The following ZNF560 variants were observed in gnomAD, a reference collection of about 807,000 sequenced individuals.
ZNF560 encodes the protein zinc finger protein 560.
Under a neutral mutation model 81.8 loss-of-function variants are expected in ZNF560, and 54 were observed. The observed-to-expected ratio is 0.66, with a 90% CI of 0.53 to 0.83. ZNF560 has a LOEUF of 0.83. Among genes scored for constraint, ZNF560 ranks in the 40% least tolerant of loss-of-function variants. The probability of loss-of-function intolerance (pLI) is 0.00; values close to 1 mark genes in which losing one functional copy is unlikely to be tolerated. For missense variants in ZNF560, 940 were observed against 932.4 expected, an observed-to-expected ratio of 1.01 and a Z score of -0.11; for synonymous variants, 321 against 317.9, an observed-to-expected ratio of 1.01 and a Z score of -0.10.
In ZNF560 at chr19:9,485,122, C is replaced by G. The variant is rs143063630; in HGVS notation, c.-56-9753G>C. On this transcript the variant is annotated intron_variant, in intron 2 of 9. Coordinates refer to ENST00000301480, the MANE Select transcript of ZNF560 (RefSeq NM_152476.3). ...TAAAAATCTCCCATCAAACACACAC[C>G]TAGGACTTGACTGCTTCATGGCTGA... Among the ~76,000 whole-genome samples, 23 of 152,288 alleles carry G rather than the reference C, an allele frequency of 1.5e-4. No homozygotes were observed. In the East Asian group the frequency reaches 3.1e-3, roughly 20 times the overall value.
At chr19:9,487,281 GCA>G (rs1237959430) in intron 2 of ZNF560, among the ~76,000 whole-genome samples, 1 of 152,190 alleles carries the variant, frequency 6.6e-6, no homozygotes, top group Admixed American at 6.5e-5. Flanking sequence ...GTTCTTCTCA[GCA>G]CAGAGGAACA....
the ZNF560 span, among the ~76,000 whole-genome samples, chr19:9,453,388 T>C: frequency 6.6e-6 from 1 of 151,804 alleles, no homozygotes; most frequent in Non-Finnish European, 1.5e-5. Context: ...ATCAAATCCA[T>C]TTATTTTGAA....
chr19:9,463,961 GC>G (rs2072975587), downstream of ZNF560, among the ~76,000 whole-genome samples: 1 of 152,204 alleles, frequency 6.6e-6, no homozygotes, highest in South Asian at 2.1e-4. Flanking sequence ...GGGATTACAG[GC>G]ATAAGCTATT....
intron 2 of ZNF560, among the ~76,000 whole-genome samples, chr19:9,481,924 GTAT>G (rs1257134610): frequency 6.6e-6 from 1 of 152,146 alleles, no homozygotes; most frequent in African/African-American, 2.4e-5. Flanking sequence ...CCATTACTGG[GTAT>G]ATACCCAAAG....
intron 3 of ZNF560, 69 bp from the exon 4 acceptor site, chr19:9,474,394 T>A: frequency 6.6e-7 from 1 of 1,525,660 alleles, no homozygotes; most frequent in Non-Finnish European, 8.9e-7. Flanking sequence ...AAGAATCAGT[T>A]AACAGACCCC....
chr19:9,499,810 G>T (rs1226455968), upstream of ZNF560, among the ~76,000 whole-genome samples: 1 of 151,972 alleles, frequency 6.6e-6, no homozygotes. Context: ...TTTACCTCTT[G>T]GGGTAAAGTT....
intron 4 of ZNF560, 54 bp from the exon 5 acceptor site, chr19:9,473,313 G>C: frequency 7.3e-7 from 1 of 1,373,166 alleles, no homozygotes; most frequent in Admixed American, 2.0e-5. Flanking sequence ...AGGCACAGTG[G>C]CTCATGCCTG....
At chr19:9,472,022 A>G (rs773838451) in intron 5 of ZNF560, among the ~76,000 whole-genome samples, 1 of 152,052 alleles carries the variant, frequency 6.6e-6, no homozygotes, top group Non-Finnish European at 1.5e-5. Flanking sequence ...AGGCAGGAGA[A>G]TGGCATGAAC....
chr19:9,456,899 T>C, the ZNF560 span, among the ~76,000 whole-genome samples: 5 of 152,088 alleles, frequency 3.3e-5, no homozygotes, highest in Non-Finnish European at 5.9e-5. Context: ...TGAAATGGGG[T>C]ATGTCCATGG....
chr19:9,468,063 G>A lies in ZNF560; in HGVS notation c.884C>T (p.Thr295Ile). The A allele has an allele frequency of 6.2e-7, 1 of 1,614,190 alleles. No individual in the cohort carries two copies. The highest frequency in any genetic ancestry group is 8.5e-7 in the Non-Finnish European group (1 of 1,180,036). ...ATAAATGAAGGCTTTCCCATAGTCA[G>A]TGCCTTCAAAGGATTTATCTTGTGT... The part of the protein sequence containing the change: ...KCTQDKSFEG[T>I]DYGKAFIYQS... The change falls in exon 10 of 10, where the codon ACT (threonine) becomes ATT (isoleucine). Residue 295 changes from threonine to isoleucine, a missense_variant. Transcript: ENST00000301480.
the ZNF560 span, among the ~76,000 whole-genome samples, chr19:9,451,545 G>GTAT: frequency 6.6e-6 from 1 of 152,090 alleles, no homozygotes; most frequent in African/African-American, 2.4e-5. Flanking sequence ...ACCATTCTGG[G>GTAT]TATCAGCCTT....
At chr19:9,447,315 G>A in the ZNF560 span, among the ~76,000 whole-genome samples, 8 of 151,914 alleles carry the variant, frequency 5.3e-5, no homozygotes, top group Non-Finnish European at 8.8e-5. Context: ...TAAGAATTCT[G>A]CCACCATGAA....
chr19:9,500,681 C>G (rs1051649997), upstream of ZNF560, among the ~76,000 whole-genome samples: 4 of 152,058 alleles, frequency 2.6e-5, no homozygotes, highest in African/African-American at 7.2e-5. Flanking sequence ...TCAAGCAATT[C>G]TCTGCCTCAG....
chr19:9,466,402 G>C lies in ZNF560; in HGVS notation c.*172C>G, dbSNP rs2073016386. ...TTTCCTACATCCCTTACATTTACAGGGTTTCTCTACAGTGTGAGTTTGTAC... is the reference window on the plus strand; with the variant it reads ...TTTCCTACATCCCTTACATTTACAGCGTTTCTCTACAGTGTGAGTTTGTAC... On this transcript the variant is annotated 3_prime_UTR_variant, in exon 10 of 10. Transcript: ENST00000301480. The C allele has an allele frequency of 5.3e-6, 3 of 569,618 alleles. No individual in the cohort carries two copies. The highest frequency in any genetic ancestry group is 8.9e-6 in the Non-Finnish European group (3 of 336,046). 35.3% of individuals were successfully genotyped at this position (569,618 alleles called of 1,614,324 possible).
At chr19:9,447,589 T>C in the ZNF560 span, among the ~76,000 whole-genome samples, 2 of 152,022 alleles carry the variant, frequency 1.3e-5, no homozygotes, top group Non-Finnish European at 2.9e-5. Context: ...AATTGAAAGC[T>C]TCATCAACAG....
intron 2 of ZNF560, among the ~76,000 whole-genome samples, chr19:9,496,918 G>A (rs966117323): frequency 6.6e-5 from 10 of 151,072 alleles, no homozygotes; most frequent in African/African-American, 2.5e-4. Context: ...CCTGGCGACA[G>A]AACGAGACTG....
At chr19:9,449,996 A>AGC in the ZNF560 span, among the ~76,000 whole-genome samples, 2 of 115,878 alleles carry the variant, frequency 1.7e-5, no homozygotes, top group East Asian at 5.1e-4. Context: ...AAAAAAAAAA[A>AGC]AACAACTGAA....
chr19:9,476,239 T>G (rs2073200138), intron 2 of ZNF560, among the ~76,000 whole-genome samples: 1 of 152,008 alleles, frequency 6.6e-6, no homozygotes, highest in Non-Finnish European at 1.5e-5. Flanking sequence ...GCTTCCCCCA[T>G]GCTGTTTTCG....
intron 2 of ZNF560, among the ~76,000 whole-genome samples, chr19:9,491,695 A>C (rs2073475593): frequency 1.3e-5 from 2 of 151,494 alleles, no homozygotes; most frequent in South Asian, 4.2e-4. Context: ...GTGTGGTGGC[A>C]CGCGTCTGTA....
Sources: allele counts gnomAD v4.1 joint callset (sites outside exome capture counted in the v4.1 genomes callset), GRCh38; gene constraint gnomAD v4.1.1; transcripts MANE v1.5; gene names NCBI Gene and HGNC (gene_info 2026-07-23, HGNC 2026-07-21).